Variants in RBM27 observed in about 807,000 individuals in gnomAD.
RBM27 encodes the protein RNA-binding protein 27.
In RBM27, 22 loss-of-function variants were observed where a neutral mutation model predicts 135.3. The ratio of observed to expected loss-of-function variants is 0.16; its 90% CI spans 0.12 to 0.23. The LOEUF (loss-of-function observed/expected upper bound fraction) is 0.23. Ranked by LOEUF, RBM27 falls within the 10% of genes least tolerant of loss-of-function variation. The pLI, the probability that RBM27 is intolerant of heterozygous loss-of-function variation, is 1.00. For missense variants in RBM27, 1,009 were observed against 1,281.0 expected, an observed-to-expected ratio of 0.79 and a Z score of 3.24; for synonymous variants, 481 against 442.4, an observed-to-expected ratio of 1.09 and a Z score of -1.10.
At chr5:146,232,967 A>C (rs1757002883) in intron 6 of RBM27, among the ~76,000 whole-genome samples, 1 of 152,228 alleles carries the variant, frequency 6.6e-6, no homozygotes, top group Admixed American at 6.5e-5. Context: ...ACAGTGCTAC[A>C]AGTGATAACC....
chr5:146,247,345 G>A (rs1215299527), intron 8 of RBM27, among the ~76,000 whole-genome samples: 1 of 151,990 alleles, frequency 6.6e-6, no homozygotes, highest in African/African-American at 2.4e-5. Flanking sequence ...TATTATCACA[G>A]TCCCCCCCAA....
At chr5:146,282,829 C>T (rs1163554630) in intron 19 of RBM27, among the ~76,000 whole-genome samples, 1 of 152,098 alleles carries the variant, frequency 6.6e-6, no homozygotes, top group Non-Finnish European at 1.5e-5. Context: ...GAGATTCTCA[C>T]CATTTGTGTA....
chr5:146,204,083 G>A (rs973400878), intron 1 of RBM27, among the ~76,000 whole-genome samples: 1 of 152,210 alleles, frequency 6.6e-6, no homozygotes, highest in African/African-American at 2.4e-5. Flanking sequence ...GCAAATATCG[G>A]GGTGCTGGAA....
chr5:146,239,912 G>A (rs748371259), intron 8 of RBM27, among the ~76,000 whole-genome samples: 5 of 151,676 alleles, frequency 3.3e-5, no homozygotes, highest in Non-Finnish European at 7.4e-5. Flanking sequence ...AAATAGCTGG[G>A]GCCACAGGCA....
chr5:146,263,601 T>G lies in RBM27; in HGVS notation c.2301T>G (p.Asn767Lys), dbSNP rs1758487500. 6.2e-7 allele frequency: 1 copy of G among 1,614,052 alleles called. No individual in the cohort carries two copies. The highest frequency in any genetic ancestry group is 1.3e-5 in the African/African-American group (1 of 74,932). ...GNQSDASHLLNQSGGAGEDCQ... is the reference protein window; with the variant it reads ...GNQSDASHLLKQSGGAGEDCQ... Reference sequence around the variant, plus strand: ...AGAGTGATGCATCACATTTGTTGAATCAGTCTGGTGGTGCTGGAGAAGATT... The same window carrying G: ...AGAGTGATGCATCACATTTGTTGAAGCAGTCTGGTGGTGCTGGAGAAGATT... The change falls in exon 14 of 21, where the codon AAT becomes AAG. Residue 767 changes from asparagine to lysine, a missense_variant. Coordinates refer to ENST00000265271, the MANE Select transcript of RBM27 (RefSeq NM_018989.2).
At chr5:146,261,376 C>A in intron 12 of RBM27, 134 bp from the exon 13 acceptor site, 1 of 767,170 alleles carries the variant, frequency 1.3e-6, no homozygotes, top group Non-Finnish European at 2.1e-6. Flanking sequence ...AGCTCTATCT[C>A]TAAAACAGTA....
At chr5:146,274,021 G>A (rs754428414) in intron 19 of RBM27, among the ~76,000 whole-genome samples, 11 of 152,192 alleles carry the variant, frequency 7.2e-5, no homozygotes, top group East Asian at 1.9e-4. Flanking sequence ...TTTTGCTCTC[G>A]TCGCCCAGGC....
chr5:146,233,430 TTTTA>T lies in RBM27; in HGVS notation c.851-17_851-14del. ...TAAGTAGATGATAATAAGATTCTTT[TTTTA>T]TTCTTTATTCCACAGAAAGAGGATT... On this transcript the variant is annotated splice_polypyrimidine_tract_variant and intron_variant, in intron 6 of 20. Transcript: ENST00000265271. 6.6e-7 allele frequency: 1 copy of T among 1,509,762 alleles called. No homozygotes were observed. Among genetic ancestry groups the T allele is most frequent in the South Asian group, 1.3e-5 (1 of 74,350 alleles). The allele number at this position is 1,509,762 out of a possible 1,614,324, so 93.5% of individuals were successfully genotyped here. A position where few individuals can be genotyped will look rare whatever the true frequency, so the allele number is the denominator to read the frequency against.
chr5:146,236,414 TCTC>T (rs147458860), intron 7 of RBM27, among the ~76,000 whole-genome samples: 1,952 of 152,306 alleles, frequency 0.013, 38 homozygotes, highest in African/African-American at 0.045. Flanking sequence ...TGAAGCCTCT[TCTC>T]AGCCGTTCTC....
intron 8 of RBM27, among the ~76,000 whole-genome samples, chr5:146,247,347 C>T (rs1485268658): frequency 2.0e-5 from 3 of 152,034 alleles, no homozygotes; most frequent in African/African-American, 7.3e-5. Context: ...TTATCACAGT[C>T]CCCCCCAAAA....
intron 1 of RBM27, among the ~76,000 whole-genome samples, chr5:146,212,669 T>A (rs1383176823): frequency 6.6e-6 from 1 of 152,076 alleles, no homozygotes; most frequent in Non-Finnish European, 1.5e-5. Context: ...CATAATTTTT[T>A]AAAAAACATT....
At chr5:146,224,208 C>T (rs1453667057) in intron 3 of RBM27, among the ~76,000 whole-genome samples, 1 of 151,922 alleles carries the variant, frequency 6.6e-6, no homozygotes, top group Non-Finnish European at 1.5e-5. Flanking sequence ...CAGAGTAGTA[C>T]TTATTGAGGA....
At chr5:146,280,046 G>A (rs894253509) in intron 19 of RBM27, among the ~76,000 whole-genome samples, 1 of 151,362 alleles carries the variant, frequency 6.6e-6, no homozygotes, top group Non-Finnish European at 1.5e-5. Flanking sequence ...TAGCTATCTG[G>A]TATTCCTTTA....
At chr5:146,258,980 CA>C (rs1561554297) in intron 11 of RBM27, among the ~76,000 whole-genome samples, 1 of 151,858 alleles carries the variant, frequency 6.6e-6, no homozygotes, top group African/African-American at 2.4e-5. Context: ...AGGCTGGTCT[CA>C]AACTCCTGAC....
At position 146,252,149 on chromosome 5, in the gene RBM27, T is replaced by C. The variant is rs189213553; in HGVS notation, c.1444+274T>C. 2.6e-4 allele frequency among the ~76,000 whole-genome samples: 39 copies of C among 152,376 alleles called. No individual in the cohort carries two copies. The East Asian group carries it at 7.5e-3, about 29-fold the overall frequency. On this transcript the variant is annotated intron_variant, in intron 9 of 20. Coordinates refer to ENST00000265271, the MANE Select transcript of RBM27 (RefSeq NM_018989.2). ...GCTAGTTCCTTGAGCTAGTTTCTAA[T>C]CAGGTAGATAGAAAGATAATATCTA...
intron 9 of RBM27, among the ~76,000 whole-genome samples, chr5:146,254,204 C>T (rs1056887387): frequency 6.6e-6 from 1 of 152,054 alleles, no homozygotes; most frequent in African/African-American, 2.4e-5. Flanking sequence ...CCTGTAATGC[C>T]AACAGTTTGG....
chr5:146,220,486 A>AT (rs1337846295), intron 2 of RBM27, among the ~76,000 whole-genome samples: 9 of 141,480 alleles, frequency 6.4e-5, no homozygotes, highest in East Asian at 2.0e-4. Flanking sequence ...AAAAAAAAAA[A>AT]AAAATATATA....
intron 1 of RBM27, among the ~76,000 whole-genome samples, chr5:146,215,078 C>G (rs1198182376): frequency 1.3e-5 from 2 of 152,004 alleles, no homozygotes; most frequent in Non-Finnish European, 2.9e-5. Flanking sequence ...GAGACTGAGT[C>G]GCGCTCTATC....
chr5:146,265,497 C>T (rs918139030), intron 14 of RBM27, among the ~76,000 whole-genome samples: 3 of 152,074 alleles, frequency 2.0e-5, no homozygotes, highest in African/African-American at 4.8e-5. Context: ...CTTTTGATTA[C>T]GTCTTGTTTT....
Sources: allele counts gnomAD v4.1 joint callset (sites outside exome capture counted in the v4.1 genomes callset), GRCh38; gene constraint gnomAD v4.1.1; transcripts MANE v1.5; gene names NCBI Gene and HGNC (gene_info 2026-07-23, HGNC 2026-07-21).